ADAMTSL1: variants seen among roughly 807,000 people sequenced by gnomAD.
ADAMTSL1 encodes ADAMTS-like protein 1.
Under a neutral mutation model 201.8 loss-of-function variants are expected in ADAMTSL1, and 126 were observed. The observed-to-expected ratio is 0.62, with a 90% CI of 0.54 to 0.72. The LOEUF is 0.72. Among genes scored for constraint, ADAMTSL1 ranks in the 30% least tolerant of loss-of-function variants. The probability of loss-of-function intolerance (pLI) is 0.00; values close to 1 mark genes in which losing one functional copy is unlikely to be tolerated. For synonymous variants in ADAMTSL1, 1,121 were observed against 903.4 expected (o/e 1.24, Z -4.32); for missense variants, 2,679 against 2,277.8 (o/e 1.18, Z -3.59).
intron 1 of ADAMTSL1, among the ~76,000 whole-genome samples, chr9:18,136,146 A>G (rs918906661): frequency 2.6e-5 from 4 of 152,192 alleles, no homozygotes; most frequent in African/African-American, 9.7e-5. Context: ...TAAGTGAAGT[A>G]AGTTGCATAG....
At chr9:17,935,194 A>G (rs1347978337) in intron 1 of ADAMTSL1, among the ~76,000 whole-genome samples, 1 of 151,920 alleles carries the variant, frequency 6.6e-6, no homozygotes, top group Non-Finnish European at 1.5e-5. Context: ...CCACTTTAAC[A>G]CACACAGTCA....
chr9:18,703,859 A>G (rs917561833), intron 13 of ADAMTSL1, among the ~76,000 whole-genome samples: 16 of 151,586 alleles, frequency 1.1e-4, no homozygotes, highest in African/African-American at 3.2e-4. Flanking sequence ...CTGGAATGAC[A>G]TCAAATGCAA....
Position 18,462,541 on chromosome 9 carries a change from A to G in ADAMTSL1, c.208-42288A>G, listed in dbSNP as rs370589671. Among the ~76,000 whole-genome samples, 6 of 152,230 alleles carry G rather than the reference A, an allele frequency of 3.9e-5. No homozygotes were observed. The East Asian group carries it at 9.6e-4, about 24-fold the overall frequency. ...TGATAAGTTCTGTGCAAGAAAACCA[A>G]TGACAGAAAAGTCCAATTCAGGGTG... On this transcript the variant is annotated intron_variant, in intron 2 of 29. Transcript: ENST00000680146.
intron 1 of ADAMTSL1, among the ~76,000 whole-genome samples, chr9:18,501,636 A>T (rs1822851962): frequency 6.6e-6 from 1 of 152,264 alleles, no homozygotes; most frequent in South Asian, 2.1e-4. Context: ...GATTTTAAAT[A>T]ATCAGAAAGG....
At chr9:18,361,596 T>C (rs1836522002) in intron 2 of ADAMTSL1, among the ~76,000 whole-genome samples, 1 of 152,210 alleles carries the variant, frequency 6.6e-6, no homozygotes, top group African/African-American at 2.4e-5. Context: ...TTGTTTGTGT[T>C]ACACTCCGAA....
At chr9:17,928,446 A>G (rs1195387245) in intron 1 of ADAMTSL1, among the ~76,000 whole-genome samples, 1 of 152,202 alleles carries the variant, frequency 6.6e-6, no homozygotes, top group African/African-American at 2.4e-5. Context: ...ACAAAACCTG[A>G]GCAATACTCC....
intron 3 of ADAMTSL1, among the ~76,000 whole-genome samples, chr9:18,566,845 G>A (rs1325196107): frequency 6.6e-6 from 1 of 152,174 alleles, no homozygotes; most frequent in Admixed American, 6.5e-5. Flanking sequence ...GAAATTAGGA[G>A]ACTATTGCAA....
intron 2 of ADAMTSL1, among the ~76,000 whole-genome samples, chr9:18,337,264 T>C (rs1326761108): frequency 6.6e-6 from 1 of 152,148 alleles, no homozygotes; most frequent in African/African-American, 2.4e-5. Context: ...CTTACACTTG[T>C]GGTTTGCCAG....
intron 2 of ADAMTSL1, among the ~76,000 whole-genome samples, chr9:18,530,393 A>T (rs959429347): frequency 6.6e-6 from 1 of 152,188 alleles, no homozygotes; most frequent in African/African-American, 2.4e-5. Context: ...CCAATAGTTA[A>T]CACCAGGGTT....
At chr9:18,357,973 GCTCCTTCTCACCCTATTTTC>G (rs1836330233) in intron 2 of ADAMTSL1, among the ~76,000 whole-genome samples, 2 of 152,146 alleles carry the variant, frequency 1.3e-5, no homozygotes, top group South Asian at 4.1e-4. Context: ...TCAGTCTAAA[GCTCCTTCTCACCCTATTTTC>G]CAAGGAGGCT....
chr9:18,345,662 T>C (rs370057729), intron 2 of ADAMTSL1, among the ~76,000 whole-genome samples: 1 of 152,114 alleles, frequency 6.6e-6, no homozygotes, highest in Non-Finnish European at 1.5e-5. Context: ...GGCAAAGTTA[T>C]CTTAGGGTAA....
chr9:18,794,535 A>T (rs66717650), intron 19 of ADAMTSL1, among the ~76,000 whole-genome samples: 37,893 of 151,954 alleles, frequency 0.25, 4,825 homozygotes, highest in Admixed American at 0.31. Context: ...ATTTCCTTCA[A>T]ATATGTGTAA....
At chr9:18,250,099 A>G (rs1831407189) in intron 2 of ADAMTSL1, among the ~76,000 whole-genome samples, 1 of 152,214 alleles carries the variant, frequency 6.6e-6, no homozygotes, top group Admixed American at 6.5e-5. Context: ...GTTTACATGA[A>G]TTAAAGTTCT....
At chr9:18,509,198 A>AAAAAAAAAC in intron 2 of ADAMTSL1, among the ~76,000 whole-genome samples, 1 of 31,970 alleles carries the variant, frequency 3.1e-5, no homozygotes. Context: ...CTCAAAAAAA[A>AAAAAAAAAC]AAAAAAAAAA....
intron 2 of ADAMTSL1, among the ~76,000 whole-genome samples, chr9:18,410,399 C>G (rs934054243): frequency 6.6e-6 from 1 of 152,068 alleles, no homozygotes; most frequent in South Asian, 2.1e-4. Flanking sequence ...AACAGGTGCC[C>G]AGTGTGTGTT....
chr9:18,127,459 G>C (rs1329984983), intron 1 of ADAMTSL1, among the ~76,000 whole-genome samples: 1 of 144,172 alleles, frequency 6.9e-6, no homozygotes, highest in Non-Finnish European at 1.5e-5. Flanking sequence ...GTGTGGGGTG[G>C]TGCATGCATA....
At chr9:18,359,838 CA>C (rs1836436742) in intron 2 of ADAMTSL1, among the ~76,000 whole-genome samples, 2 of 127,670 alleles carry the variant, frequency 1.6e-5, no homozygotes, top group Admixed American at 1.6e-4. Context: ...CCCCCCCGCC[CA>C]CACAAAATGC....
chr9:18,342,592 T>G (rs148335951), intron 2 of ADAMTSL1, among the ~76,000 whole-genome samples: 2 of 152,260 alleles, frequency 1.3e-5, no homozygotes, highest in African/African-American at 2.4e-5. Flanking sequence ...AATCTTTACC[T>G]TTTGGCTTCT....
Position 18,533,250 on chromosome 9 carries a change from C to A in ADAMTSL1, c.195C>A (p.Ser65Arg). 6.2e-7 allele frequency: 1 copy of A among 1,605,204 alleles called. No homozygotes were observed. The highest frequency in any genetic ancestry group is 1.1e-5 in the South Asian group (1 of 89,678). ...CTTTTTTCTTTTTGCAACTTAGGAG[C>A]TGTGAAGGAAGAAATATCCGATACA... ...YSLRRCLSSK[S>R]CEGRNIRYRT... Residue 65 changes from serine (S) to arginine (R), a missense_variant, in exon 3 of 29, where the codon AGC becomes AGA. Transcript: ENST00000380548.
Sources: allele counts gnomAD v4.1 joint callset (sites outside exome capture counted in the v4.1 genomes callset), GRCh38; gene constraint gnomAD v4.1.1; transcripts MANE v1.5; gene names NCBI Gene and HGNC (gene_info 2026-07-23, HGNC 2026-07-21).